Variants in RAB11FIP4 observed in about 807,000 individuals in gnomAD.
RAB11FIP4 encodes RAB11 family interacting protein 4.
A neutral mutation model predicts 74.3 loss-of-function variants in RAB11FIP4; 23 were observed. The observed-to-expected ratio is 0.31, with a 90% CI of 0.22 to 0.44. The LOEUF is 0.44. RAB11FIP4 is among the 20% of genes least tolerant of loss of function. The probability of loss-of-function intolerance (pLI) is 1.00; values close to 1 mark genes in which losing one functional copy is unlikely to be tolerated. For synonymous variants in RAB11FIP4, 360 were observed against 359.9 expected (o/e 1.00, Z 0.00); for missense variants, 630 against 863.9 (o/e 0.73, Z 3.39).
rs1444374565 is a variant in RAB11FIP4 at position 31,445,566 on chromosome 17, ATATATATATATATTTTTTTTTTT to A, written c.336+11446_336+11468del. Among the ~76,000 whole-genome samples, 19 of 12,418 alleles carry A rather than the reference ATATATATATATATTTTTTTTTTT, an allele frequency of 1.5e-3. 3 individuals carry two copies. The Admixed American group carries it at 0.017, about 11-fold the overall frequency. The allele number at this position is 12,418 out of a possible 152,430, so 8.1% of individuals were successfully genotyped here. On this transcript the variant is annotated intron_variant, in intron 3 of 14. Transcript: ENST00000621161. ...TATATATATATATATATATATATAT[ATATATATATATATTTTTTTTTTT>A]TTTTTTTTTTTTTTGACACGGAGTC...
chr17:31,523,331 ATCC>A (rs1333890946), intron 7 of RAB11FIP4, 178 bp from the exon 8 acceptor site: 1 of 639,224 alleles, frequency 1.6e-6, no homozygotes, highest in Admixed American at 2.3e-5. Context: ...CCCATTTGCC[ATCC>A]TCTGGGCGGG....
rs536282596 is a variant in RAB11FIP4 at position 31,520,709 on chromosome 17, A to G, written c.564-457A>G. Among the ~76,000 whole-genome samples, 481 of 152,154 alleles carry G rather than the reference A, an allele frequency of 3.2e-3. 2 individuals carry two copies. The highest frequency in any genetic ancestry group is 0.014 in the Middle Eastern group (4 of 294). On this transcript the variant is annotated intron_variant, in intron 4 of 14. Coordinates refer to ENST00000621161, the MANE Select transcript of RAB11FIP4 (RefSeq NM_032932.6). ...TTTCTAGTAGAGTTGGGGTTTCACC[A>G]TGTTAGCCAGGATGGTCTCGATCTC...
chr17:31,466,450 T>A (rs1386193669), intron 3 of RAB11FIP4, among the ~76,000 whole-genome samples: 1 of 152,200 alleles, frequency 6.6e-6, no homozygotes, highest in Non-Finnish European at 1.5e-5. Context: ...CTTAGGTTAG[T>A]GTCTATCGCA....
chr17:31,452,369 C>T (rs16972254), intron 3 of RAB11FIP4, among the ~76,000 whole-genome samples: 2,287 of 152,270 alleles, frequency 0.015, 56 homozygotes, highest in African/African-American at 0.048. Context: ...AGGACCAGCT[C>T]AAAGGCTGTA....
chr17:31,419,651 C>T (rs141513400), intron 1 of RAB11FIP4, among the ~76,000 whole-genome samples: 5,052 of 151,312 alleles, frequency 0.033, 245 homozygotes, highest in African/African-American at 0.11. Context: ...CCCGGGTTCA[C>T]GCCATTCTCC....
chr17:31,505,500 T>C (rs1236394317), intron 3 of RAB11FIP4, among the ~76,000 whole-genome samples: 1 of 80,448 alleles, frequency 1.2e-5, no homozygotes, highest in South Asian at 2.6e-4. Context: ...ATATAATTAT[T>C]ATATTATATA....
intron 1 of RAB11FIP4, among the ~76,000 whole-genome samples, chr17:31,417,533 AC>A (rs1411025488): frequency 9.9e-5 from 15 of 152,048 alleles, no homozygotes; most frequent in African/African-American, 3.6e-4. Flanking sequence ...AAGCCCTGAA[AC>A]CCCTTTTGTG....
intron 3 of RAB11FIP4, among the ~76,000 whole-genome samples, chr17:31,498,461 G>T (rs1422023673): frequency 6.6e-6 from 1 of 152,218 alleles, no homozygotes; most frequent in Non-Finnish European, 1.5e-5. Flanking sequence ...GGAGGAGAGG[G>T]TTATAAAAAC....
chr17:31,478,365 C>T (rs1340603008), intron 3 of RAB11FIP4, among the ~76,000 whole-genome samples: 1 of 152,076 alleles, frequency 6.6e-6, no homozygotes, highest in Non-Finnish European at 1.5e-5. Context: ...CATTGTTTGC[C>T]CAGGTGTGCT....
At chr17:31,472,616 T>C (rs1399922172) in intron 3 of RAB11FIP4, among the ~76,000 whole-genome samples, 1 of 152,074 alleles carries the variant, frequency 6.6e-6, no homozygotes, top group Admixed American at 6.5e-5. Flanking sequence ...GTAGCGCCCA[T>C]GCTGATAGAG....
intron 1 of RAB11FIP4, 169 bp from the exon 2 acceptor site, chr17:31,431,644 A>C: frequency 1.7e-6 from 1 of 585,958 alleles, no homozygotes; most frequent in Non-Finnish European, 3.0e-6. Context: ...GTCTGTCACC[A>C]TGGGGAGAAT....
chr17:31,436,569 A>G (rs1468410262), intron 3 of RAB11FIP4, among the ~76,000 whole-genome samples: 1 of 152,092 alleles, frequency 6.6e-6, no homozygotes, highest in East Asian at 1.9e-4. Context: ...GGTGCAGAAG[A>G]GTGGGCCTCC....
In RAB11FIP4 at chr17:31,420,976, C is replaced by T. The variant is rs556959553; in HGVS notation, c.160-10837C>T. 3.8e-4 allele frequency among the ~76,000 whole-genome samples: 58 copies of T among 152,024 alleles called. No individual in the cohort carries two copies. In the South Asian group the frequency reaches 0.01, roughly 27 times the overall value. The stretch of plus-strand genomic sequence containing the variant: ...GTGCATGCCTGTAATCCCAGCTACT[C>T]GGGAGGTTGAGGCAGGAGAATTGCT... On this transcript the variant is annotated intron_variant, in intron 1 of 14. Transcript: ENST00000621161.
intron 1 of RAB11FIP4, among the ~76,000 whole-genome samples, chr17:31,408,880 A>G (rs548449229): frequency 1.8e-4 from 28 of 152,298 alleles, no homozygotes; most frequent in Middle Eastern, 3.4e-3. Context: ...GTGTTGGCAC[A>G]AGAGGTGGCC....
chr17:31,471,463 C>A (rs1413122146), intron 3 of RAB11FIP4, among the ~76,000 whole-genome samples: 3 of 152,166 alleles, frequency 2.0e-5, no homozygotes, highest in African/African-American at 7.2e-5. Context: ...GTCACAGGAA[C>A]TAACTGCTTT....
At chr17:31,501,258 A>G (rs2072215337) in intron 3 of RAB11FIP4, among the ~76,000 whole-genome samples, 1 of 151,028 alleles carries the variant, frequency 6.6e-6, no homozygotes, top group African/African-American at 2.4e-5. Flanking sequence ...CTGGAAATCC[A>G]GTTACAGATG....
chr17:31,445,530 T>TATATATATATATA (rs2071443149), intron 3 of RAB11FIP4, among the ~76,000 whole-genome samples: 1 of 36,760 alleles, frequency 2.7e-5, no homozygotes, highest in African/African-American at 1.4e-4. Flanking sequence ...ATTTTCCCAA[T>TATATATATATATA]TTTATATATA....
intron 3 of RAB11FIP4, among the ~76,000 whole-genome samples, chr17:31,445,530 TTTTATATATATATATATATATATATATA>T (rs1343085279): frequency 0.054 from 1,969 of 36,550 alleles, 152 homozygotes; most frequent in South Asian, 0.065. Context: ...ATTTTCCCAA[TTTTATATATATATATATATATATATATA>T]TATATATATA....
At chr17:31,451,624 T>C (rs1049880066) in intron 3 of RAB11FIP4, among the ~76,000 whole-genome samples, 4 of 152,194 alleles carry the variant, frequency 2.6e-5, no homozygotes, top group African/African-American at 9.6e-5. Context: ...TGACTCTCAC[T>C]GTTCAGCCAC....
Sources: allele counts gnomAD v4.1 joint callset (sites outside exome capture counted in the v4.1 genomes callset), GRCh38; gene constraint gnomAD v4.1.1; transcripts MANE v1.5; gene names NCBI Gene and HGNC (gene_info 2026-07-23, HGNC 2026-07-21).